The following BORCS5 variants were observed in gnomAD, a reference collection of about 807,000 sequenced individuals.
BORCS5 encodes BLOC-1-related complex subunit 5.
In BORCS5, 17 loss-of-function variants were observed where a neutral mutation model predicts 22.1. That is an observed-to-expected ratio of 0.77 (90% CI 0.53 to 1.15). The LOEUF (loss-of-function observed/expected upper bound fraction) is 1.15, where lower values mean the gene tolerates loss of function less well. BORCS5 is among the 50% of genes most tolerant of loss of function. The pLI, the probability that BORCS5 is intolerant of heterozygous loss-of-function variation, is 0.00. For synonymous variants in BORCS5, 117 were observed against 99.8 expected (o/e 1.17, Z -1.03); for missense variants, 247 against 253.2 (o/e 0.98, Z 0.17).
intron 3 of BORCS5, among the ~76,000 whole-genome samples, chr12:12,446,142 T>C (rs1425900976): frequency 6.6e-6 from 1 of 151,942 alleles, no homozygotes; most frequent in Non-Finnish European, 1.5e-5. Context: ...CGAGGAAATA[T>C]CACTACAAAA....
intron 3 of BORCS5, among the ~76,000 whole-genome samples, chr12:12,447,424 G>A (rs970565579): frequency 2.0e-5 from 3 of 152,144 alleles, no homozygotes; most frequent in African/African-American, 7.2e-5. Context: ...CCGTTTATGT[G>A]GTAAAGTTGA....
intron 2 of BORCS5, among the ~76,000 whole-genome samples, chr12:12,428,103 G>C (rs1036836781): frequency 6.6e-6 from 1 of 152,148 alleles, no homozygotes; most frequent in Non-Finnish European, 1.5e-5. Flanking sequence ...AATGGAGCTC[G>C]TTATGTGTCC....
chr12:12,395,763 G>A (rs1178576700), intron 2 of BORCS5, among the ~76,000 whole-genome samples: 1 of 152,042 alleles, frequency 6.6e-6, no homozygotes, highest in Non-Finnish European at 1.5e-5. Context: ...GGCCAAAGAT[G>A]GACAATGCAG....
In BORCS5 at chr12:12,467,361, G is replaced by C. The variant is rs1337351061; in HGVS notation, c.*1585G>C. ...AATACAGGTGACACATGAAAGCACA[G>C]AGTGGGTGGCAGTTCAAGCCTGCGA... On this transcript the variant is annotated 3_prime_UTR_variant, in exon 4 of 4. Transcript: ENST00000314565. 3 of 152,268 alleles carry C rather than the reference G, an allele frequency of 2.0e-5. No homozygotes were observed. Among genetic ancestry groups the C allele is most frequent in the Non-Finnish European group, 4.4e-5 (3 of 68,074 alleles). The allele number at this position is 152,268 out of a possible 1,614,324, so 9.4% of individuals were successfully genotyped here.
At chr12:12,443,310 G>A (rs1942720989) in intron 3 of BORCS5, among the ~76,000 whole-genome samples, 1 of 152,202 alleles carries the variant, frequency 6.6e-6, no homozygotes, top group Non-Finnish European at 1.5e-5. Flanking sequence ...CTGAAATCCT[G>A]AGGCAAGACA....
At chr12:12,444,068 T>C (rs1378376592) in intron 3 of BORCS5, among the ~76,000 whole-genome samples, 1 of 152,212 alleles carries the variant, frequency 6.6e-6, no homozygotes, top group Non-Finnish European at 1.5e-5. Context: ...TTTTAGCAAA[T>C]TGAACATTGC....
At chr12:12,436,026 T>C (rs1181888762) in intron 3 of BORCS5, 1 of 428,308 alleles carries the variant, frequency 2.3e-6, no homozygotes, top group Non-Finnish European at 4.1e-6. Context: ...TTTCCTCATG[T>C]GAAAAATGGG....
chr12:12,458,310 TTCTAGCCCATA>T (rs762766691), intron 3 of BORCS5, among the ~76,000 whole-genome samples: 49 of 152,158 alleles, frequency 3.2e-4, no homozygotes, highest in Admixed American at 9.8e-4. Flanking sequence ...TCTAACCCAT[TTCTAGCCCATA>T]TTTCCCCCTC....
Position 12,357,484 on chromosome 12 carries a change from C to T in BORCS5, c.33C>T (p.Ser11=), listed in dbSNP as rs1205645164. The T allele has an allele frequency of 4.3e-6, 7 of 1,611,070 alleles. No individual in the cohort carries two copies. Among genetic ancestry groups the T allele is most frequent in the Non-Finnish European group, 5.9e-6 (7 of 1,177,678 alleles). Reference sequence around the variant, plus strand: ...GTGAGCAGAGCTCCGAGGCCGAGAGCCGACCCAACGATCTGAACTCCTCAG... The same window carrying T: ...GTGAGCAGAGCTCCGAGGCCGAGAGTCGACCCAACGATCTGAACTCCTCAG... MGSEQSSEAE[S]RPNDLNSSVT... Residue 11 remains serine (S), a synonymous_variant, in exon 1 of 4, where the codon AGC becomes AGT. Coordinates refer to ENST00000314565, the MANE Select transcript of BORCS5 (RefSeq NM_058169.6).
At chr12:12,451,780 T>C (rs530809428) in intron 3 of BORCS5, among the ~76,000 whole-genome samples, 10 of 152,034 alleles carry the variant, frequency 6.6e-5, no homozygotes, top group Non-Finnish European at 1.5e-4. Flanking sequence ...TAGCTGGGCG[T>C]GGTGGCGCTC....
chr12:12,369,994 G>C (rs1018244010), intron 2 of BORCS5, among the ~76,000 whole-genome samples: 7 of 151,482 alleles, frequency 4.6e-5, no homozygotes, highest in South Asian at 4.2e-4. Flanking sequence ...CAAAATGCTG[G>C]AATTACAGGC....
intron 3 of BORCS5, among the ~76,000 whole-genome samples, chr12:12,444,825 T>G (rs953334918): frequency 5.9e-5 from 9 of 152,276 alleles, no homozygotes; most frequent in African/African-American, 2.2e-4. Context: ...ATATTCTGTT[T>G]GTTTATTTTA....
intron 2 of BORCS5, among the ~76,000 whole-genome samples, chr12:12,424,606 A>AT (rs34233192): frequency 0.37 from 54,006 of 145,090 alleles, 10,816 homozygotes; most frequent in East Asian, 0.54. Flanking sequence ...ATGACTGGTG[A>AT]TTTTTTTTTT....
chr12:12,384,417 C>G (rs1863837947), intron 2 of BORCS5, among the ~76,000 whole-genome samples: 1 of 148,734 alleles, frequency 6.7e-6, no homozygotes. Context: ...AAATTTTTGT[C>G]TGCTGTATCT....
intron 2 of BORCS5, among the ~76,000 whole-genome samples, chr12:12,391,866 TAA>T (rs751674760): frequency 0.045 from 2,867 of 64,376 alleles, 66 homozygotes; most frequent in African/African-American, 0.11. Flanking sequence ...ACCCCGTCAC[TAA>T]AAAAAAAAAA....
chr12:12,448,664 G>C (rs1322725301), intron 3 of BORCS5, among the ~76,000 whole-genome samples: 3 of 152,028 alleles, frequency 2.0e-5, no homozygotes, highest in Non-Finnish European at 4.4e-5. Context: ...GAGTAGCTGG[G>C]ATTATAGGCG....
chr12:12,433,218 C>T (rs967758713), intron 2 of BORCS5, among the ~76,000 whole-genome samples: 2 of 150,794 alleles, frequency 1.3e-5, no homozygotes, highest in African/African-American at 4.9e-5. Flanking sequence ...GCCTGTAATC[C>T]CAGCTACTCA....
chr12:12,464,878 C>T (rs987737412), intron 3 of BORCS5, among the ~76,000 whole-genome samples: 1 of 152,150 alleles, frequency 6.6e-6, no homozygotes, highest in Non-Finnish European at 1.5e-5. Context: ...GGAGAGCCTC[C>T]CTTCCATTGC....
At chr12:12,454,894 T>G (rs893425181) in intron 3 of BORCS5, among the ~76,000 whole-genome samples, 1 of 152,182 alleles carries the variant, frequency 6.6e-6, no homozygotes, top group African/African-American at 2.4e-5. Context: ...AGTCAGCTTG[T>G]GATTTGCCCA....
Sources: gnomAD v4.1 joint callset for allele counts (sites outside exome capture counted in the v4.1 genomes callset) on GRCh38, gnomAD v4.1.1 for gene constraint, MANE v1.5 for transcripts, NCBI Gene and HGNC (gene_info 2026-07-23, HGNC 2026-07-21) for gene names.